ADCY5: variants seen among roughly 807,000 people sequenced by gnomAD.
ADCY5 encodes the protein adenylate cyclase type 5.
In ADCY5, 30 loss-of-function variants were observed where a neutral mutation model predicts 119.7. That is an observed-to-expected ratio of 0.25 (90% CI 0.19 to 0.34). The LOEUF (loss-of-function observed/expected upper bound fraction) is 0.34, where lower values mean the gene tolerates loss of function less well. ADCY5 is among the 10% of genes least tolerant of loss of function. ADCY5 has a pLI of 1.00. For missense variants in ADCY5, 1,324 were observed against 1,775.2 expected (o/e 0.75, Z 4.57); for synonymous variants, 753 against 762.2 (o/e 0.99, Z 0.20).
At chr3:123,287,600 C>T (rs1357002111) in intron 19 of ADCY5, among the ~76,000 whole-genome samples, 3 of 152,086 alleles carry the variant, frequency 2.0e-5, no homozygotes, top group Non-Finnish European at 4.4e-5. Flanking sequence ...ACACAAGCTC[C>T]AAACTAGGCC....
chr3:123,439,076 C>CTTTTTT (rs57503913), intron 1 of ADCY5, among the ~76,000 whole-genome samples: 2 of 64,734 alleles, frequency 3.1e-5, no homozygotes, highest in East Asian at 1.0e-3. Context: ...CCCTAAAGTG[C>CTTTTTT]TTTTTTTTTT....
Position 123,448,105 on chromosome 3 carries a change from G to A in ADCY5, c.441C>T (p.Gly147=), listed in dbSNP as rs1576704530. 3.5e-6 allele frequency: 4 copies of A among 1,138,538 alleles called. No homozygotes were observed. The South Asian group carries it at 1.1e-4, about 32-fold the overall frequency. 70.5% of individuals were successfully genotyped at this position (1,138,538 alleles called of 1,614,324 possible). Residue 147 remains glycine, a synonymous_variant, in exon 1 of 21, where the codon GGC becomes GGT. Transcript: ENST00000462833. ...CCGAGCGAGGGCGCACCTCCGTCCC[G>A]CCCGCCGAGGCAGCCGCCGCCGCCG... ...GGSAAAAASA[G]GTEVRPRSVE...
chr3:123,362,195 C>G (rs1223533923), intron 1 of ADCY5, among the ~76,000 whole-genome samples: 2 of 152,126 alleles, frequency 1.3e-5, no homozygotes, highest in African/African-American at 4.8e-5. Flanking sequence ...AGCAGAATTG[C>G]TGGGTCACAC....
At chr3:123,363,557 T>C (rs1342140749) in intron 1 of ADCY5, among the ~76,000 whole-genome samples, 4 of 152,236 alleles carry the variant, frequency 2.6e-5, no homozygotes, top group African/African-American at 9.6e-5. Context: ...AGGATGATTA[T>C]AAAATTTAAC....
intron 1 of ADCY5, among the ~76,000 whole-genome samples, chr3:123,403,825 C>G (rs374770963): frequency 9.9e-5 from 15 of 152,202 alleles, no homozygotes; most frequent in African/African-American, 3.6e-4. Flanking sequence ...ATGTCTTTGT[C>G]ACACTCTTCT....
chr3:123,337,580 G>GC (rs1455346961), intron 3 of ADCY5, among the ~76,000 whole-genome samples: 6 of 152,188 alleles, frequency 3.9e-5, no homozygotes, highest in South Asian at 4.1e-4. Flanking sequence ...GCTTGCAGCC[G>GC]CATCACTCCA....
At chr3:123,291,924 C>A (rs1005525294) in intron 17 of ADCY5, among the ~76,000 whole-genome samples, 1 of 152,200 alleles carries the variant, frequency 6.6e-6, no homozygotes, top group African/African-American at 2.4e-5. Context: ...GAGCCAGATG[C>A]AGCCAGGAGG....
At chr3:123,416,250 C>G in intron 1 of ADCY5, 1 of 1,536,148 alleles carries the variant, frequency 6.5e-7, no homozygotes, top group Non-Finnish European at 8.7e-7. Flanking sequence ...TGCAACAGCC[C>G]TCTTTCTGAG....
At chr3:123,292,925 G>A (rs1939246523) in intron 17 of ADCY5, among the ~76,000 whole-genome samples, 1 of 152,206 alleles carries the variant, frequency 6.6e-6, no homozygotes, top group African/African-American at 2.4e-5. Context: ...TCAGCCCAAA[G>A]TGTCAGACAG....
intron 1 of ADCY5, among the ~76,000 whole-genome samples, chr3:123,393,108 G>A (rs189038108): frequency 1.1e-3 from 170 of 152,232 alleles, no homozygotes; most frequent in Non-Finnish European, 1.9e-3. Flanking sequence ...CTGCTGCCCC[G>A]ACACACACTG....
chr3:123,376,998 CAAG>C, intron 1 of ADCY5, among the ~76,000 whole-genome samples: 1 of 152,238 alleles, frequency 6.6e-6, no homozygotes, highest in East Asian at 1.9e-4. Flanking sequence ...TGTGCCCCAG[CAAG>C]AAGAGGGAAG....
At position 123,448,530 on chromosome 3, in the gene ADCY5, T is replaced by C. The variant is rs1460670980; in HGVS notation, c.16A>G (p.Ser6Gly). ...GCCGCGTAGCCCGGGGGGCTCACGC[T>C]TTTGGAGCCGGACATCCCCCCCTCG... MSGSK[S>G]VSPPGYAAQK... The change falls in exon 1 of 21, where the codon AGC (serine) becomes GGC (glycine). Residue 6 changes from serine (S) to glycine (G), a missense_variant. Coordinates refer to ENST00000462833, the MANE Select transcript of ADCY5 (RefSeq NM_183357.3). 5.5e-6 allele frequency: 7 copies of C among 1,264,654 alleles called. No individual in the cohort carries two copies. The East Asian group carries it at 1.9e-4, about 34-fold the overall frequency. The allele number at this position is 1,264,654 out of a possible 1,614,324, so 78.3% of individuals were successfully genotyped here.
intron 1 of ADCY5, among the ~76,000 whole-genome samples, chr3:123,446,387 A>G (rs147038932): frequency 9.1e-4 from 139 of 152,342 alleles, no homozygotes; most frequent in African/African-American, 3.2e-3. Context: ...ACTGGGGTCC[A>G]AGGTGAAGAG....
intron 3 of ADCY5, among the ~76,000 whole-genome samples, chr3:123,337,547 C>T (rs1344421523): frequency 1.3e-5 from 2 of 152,274 alleles, no homozygotes; most frequent in African/African-American, 4.8e-5. Flanking sequence ...TTCCTAGCTT[C>T]TGGAGGCAGC....
rs76320318 is a variant in ADCY5 at position 123,350,788 on chromosome 3, G to A, written c.1284+1644C>T. On this transcript the variant is annotated intron_variant, in intron 2 of 20. Transcript: ENST00000462833. Reference sequence around the variant, plus strand: ...TTTGGTGGAATGCCCAGACTGGCCCGGGCAGAGCAAGGAAACTGTGGCAAG... The same window carrying A: ...TTTGGTGGAATGCCCAGACTGGCCCAGGCAGAGCAAGGAAACTGTGGCAAG... Among the ~76,000 whole-genome samples, 525 of 152,318 alleles carry A rather than the reference G, an allele frequency of 3.4e-3. 2 individuals carry two copies. Among genetic ancestry groups the A allele is most frequent in the African/African-American group, 0.012 (505 of 41,566 alleles).
At chr3:123,366,013 G>A (rs550515886) in intron 1 of ADCY5, among the ~76,000 whole-genome samples, 1 of 152,170 alleles carries the variant, frequency 6.6e-6, no homozygotes, top group East Asian at 1.9e-4. Context: ...CTGGTCTGAA[G>A]TGAGGGGTGT....
chr3:123,378,277 C>A (rs1206350469), intron 1 of ADCY5, among the ~76,000 whole-genome samples: 1 of 152,010 alleles, frequency 6.6e-6, no homozygotes, highest in Non-Finnish European at 1.5e-5. Context: ...TGTCCAGGAT[C>A]ACACTGTCAG....
In ADCY5 at chr3:123,447,538, G is replaced by C. The variant is rs370143916; in HGVS notation, c.1008C>G (p.Ile336Met). 5 of 1,610,372 alleles carry C rather than the reference G, an allele frequency of 3.1e-6. No individual in the cohort carries two copies. Among genetic ancestry groups the C allele is most frequent in the African/African-American group, 1.3e-5 (1 of 74,932 alleles). Reference protein sequence around the residue: ...SEGIWWTVFFIYTIYTLLPVR... With the variant: ...SEGIWWTVFFMYTIYTLLPVR... Reference sequence around the variant, plus strand: ...CGGGCAGCAGCGTGTAGATGGTGTAGATGAAGAACACGGTCCACCAGATGC... The same window carrying C: ...CGGGCAGCAGCGTGTAGATGGTGTACATGAAGAACACGGTCCACCAGATGC... Residue 336 changes from isoleucine (I) to methionine (M), a missense_variant, in exon 1 of 21, where the codon ATC (isoleucine) becomes ATG (methionine). Around this residue, in one of 6 missense-constraint regions of ADCY5, gnomAD observed 585 missense variants for 569.9 expected, o/e 1.03. Transcript: ENST00000462833.
intron 1 of ADCY5, chr3:123,367,767 T>C: frequency 2.3e-6 from 3 of 1,307,518 alleles, no homozygotes; most frequent in Non-Finnish European, 3.1e-6. Flanking sequence ...CCCCATCCCC[T>C]AGCCTGATCC....
Sources: allele counts gnomAD v4.1 joint callset (sites outside exome capture counted in the v4.1 genomes callset), GRCh38; gene constraint gnomAD v4.1.1; regional missense constraint gnomAD v4.1.1; transcripts MANE v1.5; gene names NCBI Gene and HGNC (gene_info 2026-07-23, HGNC 2026-07-21).